Variants in KDM4C observed in about 807,000 individuals in gnomAD.
KDM4C encodes the protein lysine-specific demethylase 4C.
In KDM4C, 81 loss-of-function variants were observed where a neutral mutation model predicts 129.3. The observed-to-expected ratio is 0.63, with a 90% confidence interval of 0.52 to 0.75. The LOEUF (loss-of-function observed/expected upper bound fraction) is 0.75, where lower values mean the gene tolerates loss of function less well. KDM4C is among the 30% of genes least tolerant of loss of function. The probability of loss-of-function intolerance (pLI) is 0.00; values close to 1 mark genes in which losing one functional copy is unlikely to be tolerated. For synonymous variants in KDM4C, 573 were observed against 456.1 expected (o/e 1.26, Z -3.26); for missense variants, 1,457 against 1,304.0 (o/e 1.12, Z -1.81).
At chr9:7,111,210 C>A (rs539835892) in intron 18 of KDM4C, among the ~76,000 whole-genome samples, 1 of 151,908 alleles carries the variant, frequency 6.6e-6, no homozygotes, top group African/African-American at 2.4e-5. Context: ...CTTATTTAAT[C>A]TTCAGTGTCC....
chr9:6,910,150 G>GT (rs1819026291), intron 8 of KDM4C, among the ~76,000 whole-genome samples: 2 of 152,040 alleles, frequency 1.3e-5, no homozygotes. Context: ...ATGCTGCATG[G>GT]TTTTTACCTT....
intron 20 of KDM4C, among the ~76,000 whole-genome samples, chr9:7,168,912 G>A (rs1013610538): frequency 6.6e-6 from 1 of 151,958 alleles, no homozygotes; most frequent in Admixed American, 6.6e-5. Context: ...GGGCGTTGTG[G>A]CACACAGCTA....
At chr9:7,061,580 A>T (rs1831673182) in intron 17 of KDM4C, among the ~76,000 whole-genome samples, 1 of 152,022 alleles carries the variant, frequency 6.6e-6, no homozygotes, top group African/African-American at 2.4e-5. Flanking sequence ...TCTAGAGAAG[A>T]CTCGTCCAGT....
intron 12 of KDM4C, among the ~76,000 whole-genome samples, chr9:6,995,703 G>T (rs1043540291): frequency 6.6e-6 from 1 of 151,648 alleles, no homozygotes; most frequent in African/African-American, 2.4e-5. Context: ...ATGGCGTCTC[G>T]CACTGTCGCC....
At chr9:7,083,147 T>C (rs1024273005) in intron 17 of KDM4C, among the ~76,000 whole-genome samples, 2 of 152,244 alleles carry the variant, frequency 1.3e-5, no homozygotes, top group African/African-American at 4.8e-5. Context: ...TAGACCCATA[T>C]ACACATTGAG....
At chr9:6,791,204 C>T (rs759165474) in intron 1 of KDM4C, among the ~76,000 whole-genome samples, 1 of 152,146 alleles carries the variant, frequency 6.6e-6, no homozygotes, top group Non-Finnish European at 1.5e-5. Context: ...TTCTACCTCC[C>T]AGGTTCAAGT....
chr9:6,784,713 G>A (rs1438817602), intron 1 of KDM4C, among the ~76,000 whole-genome samples: 1 of 152,204 alleles, frequency 6.6e-6, no homozygotes, highest in African/African-American at 2.4e-5. Flanking sequence ...TGAAATAAAA[G>A]CTGCTTGGAC....
chr9:6,784,766 G>A (rs1484971386), intron 1 of KDM4C, among the ~76,000 whole-genome samples: 1 of 152,208 alleles, frequency 6.6e-6, no homozygotes, highest in Non-Finnish European at 1.5e-5. Context: ...AAAATGGTCA[G>A]GAGGCTCAGG....
intron 18 of KDM4C, among the ~76,000 whole-genome samples, chr9:7,127,047 T>TGATGGATGGATGGTTG (rs1164386492): frequency 6.6e-6 from 1 of 151,910 alleles, no homozygotes; most frequent in Non-Finnish European, 1.5e-5. Context: ...ATGGATGGAT[T>TGATGGATGGATGGTTG]GATGGATGGA....
At chr9:6,743,863 G>A (rs1259344154) in intron 1 of KDM4C, among the ~76,000 whole-genome samples, 3 of 151,858 alleles carry the variant, frequency 2.0e-5, no homozygotes, top group Non-Finnish European at 4.4e-5. Context: ...TTGACTTGTT[G>A]GGGTGGGGGA....
chr9:6,730,390 A>G (rs1817283979), intron 1 of KDM4C, among the ~76,000 whole-genome samples: 1 of 152,022 alleles, frequency 6.6e-6, no homozygotes, highest in Non-Finnish European at 1.5e-5. Context: ...CCAAGGCAGG[A>G]GGATCACAAG....
At chr9:6,908,888 G>A (rs1266948724) in intron 8 of KDM4C, among the ~76,000 whole-genome samples, 3 of 152,090 alleles carry the variant, frequency 2.0e-5, no homozygotes, top group African/African-American at 7.2e-5. Context: ...AATAATGAGA[G>A]TAAACTCCTG....
At chr9:6,858,773 C>A (rs985777523) in intron 5 of KDM4C, among the ~76,000 whole-genome samples, 1 of 148,046 alleles carries the variant, frequency 6.8e-6, no homozygotes, top group Non-Finnish European at 1.5e-5. Flanking sequence ...TTGTCTCCCC[C>A]CCCGGCAAAA....
At chr9:7,161,022 C>A (rs1264699119) in intron 19 of KDM4C, among the ~76,000 whole-genome samples, 1 of 152,182 alleles carries the variant, frequency 6.6e-6, no homozygotes, top group Non-Finnish European at 1.5e-5. Flanking sequence ...TTTACCTACT[C>A]AAGCCTCAGC....
At chr9:7,044,239 GTTT>G (rs1200099010) in intron 15 of KDM4C, among the ~76,000 whole-genome samples, 38 of 152,116 alleles carry the variant, frequency 2.5e-4, no homozygotes, top group South Asian at 6.2e-4. Context: ...AATGTGTTTA[GTTT>G]AATTATTGAT....
intron 4 of KDM4C, 36 bp downstream of exon 4, chr9:6,814,781 A>T (rs943623893): frequency 7.6e-7 from 1 of 1,310,704 alleles, no homozygotes; most frequent in Admixed American, 1.8e-5. Context: ...TGTAAAGATC[A>T]TTGGATGTGA....
chr9:6,953,554 T>C (rs7019108), intron 8 of KDM4C, among the ~76,000 whole-genome samples: 44,792 of 152,126 alleles, frequency 0.29, 7,785 homozygotes, highest in East Asian at 0.57. Context: ...AAATTGATTT[T>C]GATAGCTCAT....
chr9:7,095,739 T>C (rs1201086464), intron 17 of KDM4C, among the ~76,000 whole-genome samples: 1 of 152,188 alleles, frequency 6.6e-6, no homozygotes, highest in Non-Finnish European at 1.5e-5. Flanking sequence ...CGAATCTGGG[T>C]AGATTTTTAT....
At chr9:7,084,364 CGTTTT>C (rs1258469963) in intron 17 of KDM4C, among the ~76,000 whole-genome samples, 1 of 152,148 alleles carries the variant, frequency 6.6e-6, no homozygotes, top group Non-Finnish European at 1.5e-5. Flanking sequence ...GCAAGACAAA[CGTTTT>C]GTTAGCCACT....
Sources: allele counts gnomAD v4.1 joint callset (sites outside exome capture counted in the v4.1 genomes callset), GRCh38; gene constraint gnomAD v4.1.1; transcripts MANE v1.5; gene names NCBI Gene and HGNC (gene_info 2026-07-23, HGNC 2026-07-21).